PTPRD: variants seen among roughly 807,000 people sequenced by gnomAD.
PTPRD encodes receptor-type tyrosine-protein phosphatase delta.
A neutral mutation model predicts 214.5 loss-of-function variants in PTPRD; 34 were observed. The observed-to-expected ratio is 0.16, with a 90% confidence interval of 0.12 to 0.21. The LOEUF is 0.21. Among genes scored for constraint, PTPRD ranks in the 10% least tolerant of loss-of-function variants. The probability of loss-of-function intolerance (pLI) is 1.00; values close to 1 mark genes in which losing one functional copy is unlikely to be tolerated. For synonymous variants in PTPRD, 1,128 were observed against 845.7 expected, an observed-to-expected ratio of 1.33 and a Z score of -5.79; for missense variants, 2,545 against 2,398.7, an observed-to-expected ratio of 1.06 and a Z score of -1.27.
chr9:9,063,622 C>A (rs976588407), intron 10 of PTPRD, among the ~76,000 whole-genome samples: 3 of 152,156 alleles, frequency 2.0e-5, no homozygotes, highest in Non-Finnish European at 4.4e-5. Flanking sequence ...AGAACAAACA[C>A]CTAGCATGTA....
chr9:10,177,760 T>C (rs1305439411), intron 3 of PTPRD, among the ~76,000 whole-genome samples: 2 of 151,956 alleles, frequency 1.3e-5, no homozygotes, highest in African/African-American at 4.8e-5. Context: ...TTTCTTCTCT[T>C]AGCTCTGCCT....
At position 10,351,362 on chromosome 9, in the gene PTPRD, A is replaced by G. The variant is rs1263897293; in HGVS notation, c.-599-10345T>C. ...ATTGCCTATCATATGGTCGACACTA[A>G]CCAATCTGTTTCTTTTACTGCCCAA... On this transcript the variant is annotated intron_variant, in intron 2 of 45. Coordinates refer to ENST00000381196, the MANE Select transcript of PTPRD (RefSeq NM_002839.4). Among the ~76,000 whole-genome samples the G allele has an allele frequency of 6.6e-5, 10 of 152,188 alleles. No homozygotes were observed. In the East Asian group the frequency reaches 1.2e-3, roughly 18 times the overall value.
chr9:9,797,578 G>T (rs899299796), intron 5 of PTPRD, among the ~76,000 whole-genome samples: 5 of 152,138 alleles, frequency 3.3e-5, no homozygotes, highest in African/African-American at 1.2e-4. Flanking sequence ...GTGCATGGTG[G>T]CTCATGCCTG....
chr9:8,317,219 C>G lies in PTPRD; in HGVS notation c.*655G>C, dbSNP rs914963524. The G allele has an allele frequency of 4.3e-6, 1 of 231,096 alleles. No individual in the cohort carries two copies. The highest frequency in any genetic ancestry group is 2.2e-5 in the African/African-American group (1 of 45,104). The allele number at this position is 231,096 out of a possible 1,614,324, so 14.3% of individuals were successfully genotyped here. A position where few individuals can be genotyped will look rare whatever the true frequency, so the allele number is the denominator to read the frequency against. ...CAAGATATTACAGATAACAGTTCTA[C>G]AGCTTAAAAAAACCTACGATTTGGA... On this transcript the variant is annotated 3_prime_UTR_variant, in exon 46 of 46. Coordinates refer to ENST00000381196, the MANE Select transcript of PTPRD (RefSeq NM_002839.4).
At chr9:9,107,088 G>C (rs1462081431) in intron 10 of PTPRD, among the ~76,000 whole-genome samples, 1 of 152,116 alleles carries the variant, frequency 6.6e-6, no homozygotes, top group Non-Finnish European at 1.5e-5. Context: ...TAGCATAACA[G>C]ATATATTAGA....
At chr9:9,651,396 C>T (rs530769008) in intron 7 of PTPRD, among the ~76,000 whole-genome samples, 27 of 152,150 alleles carry the variant, frequency 1.8e-4, no homozygotes, top group Non-Finnish European at 3.4e-4. Flanking sequence ...CCTCCTCCCA[C>T]CTTCCAACTT....
chr9:10,019,240 T>C (rs1405686745), intron 4 of PTPRD, among the ~76,000 whole-genome samples: 6 of 152,036 alleles, frequency 3.9e-5, no homozygotes, highest in Non-Finnish European at 7.4e-5. Flanking sequence ...CCATCTCACA[T>C]CAGTTAGAAT....
At chr9:8,543,057 G>A (rs2078899450) in intron 14 of PTPRD, among the ~76,000 whole-genome samples, 1 of 152,156 alleles carries the variant, frequency 6.6e-6, no homozygotes, top group Non-Finnish European at 1.5e-5. Flanking sequence ...ATGAAGACAT[G>A]AAATTAAGAA....
At chr9:8,323,827 G>A (rs1830821679) in intron 44 of PTPRD, among the ~76,000 whole-genome samples, 1 of 152,110 alleles carries the variant, frequency 6.6e-6, no homozygotes, top group South Asian at 2.1e-4. Flanking sequence ...AAAGCAGCAG[G>A]GTTGCAGAGG....
At chr9:8,821,533 C>T (rs905200510) in intron 11 of PTPRD, among the ~76,000 whole-genome samples, 2 of 152,218 alleles carry the variant, frequency 1.3e-5, no homozygotes, top group African/African-American at 4.8e-5. Flanking sequence ...TAGAAATCCC[C>T]CTTTCCCCTA....
intron 5 of PTPRD, among the ~76,000 whole-genome samples, chr9:9,862,620 A>C (rs897524394): frequency 6.6e-6 from 1 of 150,640 alleles, no homozygotes; most frequent in Non-Finnish European, 1.5e-5. Context: ...TACTACTCAG[A>C]GGAGAAATGA....
At position 9,420,040 on chromosome 9, in the gene PTPRD, T is replaced by A. The variant is rs548380876; in HGVS notation, c.-236-22558A>T. ...CAGGTTACAGAAAAAATATATATAT[T>A]TTTAAAATTCTGTAACCAAGTTAAA... is the stretch of plus-strand genomic sequence containing the variant. On this transcript the variant is annotated intron_variant, in intron 8 of 45. Coordinates refer to ENST00000381196, the MANE Select transcript of PTPRD (RefSeq NM_002839.4). 1.8e-4 allele frequency among the ~76,000 whole-genome samples: 27 copies of A among 151,694 alleles called. No individual in the cohort carries two copies. In the South Asian group the frequency reaches 5.2e-3, roughly 29 times the overall value.
intron 5 of PTPRD, among the ~76,000 whole-genome samples, chr9:9,902,961 T>A (rs943930613): frequency 2.2e-4 from 33 of 152,186 alleles, no homozygotes; most frequent in African/African-American, 8.0e-4. Context: ...TAGCTCACTC[T>A]AATTCTGCCA....
chr9:8,801,327 T>C (rs1278874945), intron 11 of PTPRD, among the ~76,000 whole-genome samples: 1 of 152,222 alleles, frequency 6.6e-6, no homozygotes, highest in Non-Finnish European at 1.5e-5. Flanking sequence ...GAATTAAAAA[T>C]GGAGCTTAGA....
intron 8 of PTPRD, among the ~76,000 whole-genome samples, chr9:9,560,415 C>A (rs940644142): frequency 6.6e-6 from 1 of 152,212 alleles, no homozygotes; most frequent in Non-Finnish European, 1.5e-5. Context: ...AATGCCTATC[C>A]GACTTTGCTG....
At chr9:9,047,055 T>C (rs1426837914) in intron 10 of PTPRD, among the ~76,000 whole-genome samples, 1 of 152,036 alleles carries the variant, frequency 6.6e-6, no homozygotes, top group African/African-American at 2.4e-5. Context: ...AACTGATAAA[T>C]TCAGTAAAGT....
chr9:10,167,326 C>CATCTAAATAAATTATCA (rs2099165450), intron 3 of PTPRD, among the ~76,000 whole-genome samples: 1 of 151,836 alleles, frequency 6.6e-6, no homozygotes, highest in Non-Finnish European at 1.5e-5. Context: ...CATGCGTGCA[C>CATCTAAATAAATTATCA]GTCTAAATAA....
At chr9:8,853,411 TA>T (rs2097855576) in intron 11 of PTPRD, among the ~76,000 whole-genome samples, 2 of 152,276 alleles carry the variant, frequency 1.3e-5, no homozygotes, top group African/African-American at 4.8e-5. Context: ...AATCCATTTT[TA>T]TTTTTTTAAA....
chr9:9,311,322 A>G (rs1175413519), intron 9 of PTPRD, among the ~76,000 whole-genome samples: 1 of 152,186 alleles, frequency 6.6e-6, no homozygotes, highest in Non-Finnish European at 1.5e-5. Flanking sequence ...TCATATAATA[A>G]AAGATGTATT....
Sources: allele counts gnomAD v4.1 joint callset (sites outside exome capture counted in the v4.1 genomes callset), GRCh38; gene constraint gnomAD v4.1.1; transcripts MANE v1.5; gene names NCBI Gene and HGNC (gene_info 2026-07-23, HGNC 2026-07-21).